Variants in NDUFAF7 observed in about 807,000 individuals in gnomAD.
NDUFAF7 encodes the protein protein arginine methyltransferase NDUFAF7, mitochondrial.
A neutral mutation model predicts 47.2 loss-of-function variants in NDUFAF7; 48 were observed. The ratio of observed to expected loss-of-function variants is 1.02; its 90% confidence interval spans 0.81 to 1.29. NDUFAF7 has a LOEUF of 1.29. Among genes scored for constraint, NDUFAF7 ranks in the 50% most tolerant of loss-of-function variants. The pLI is 0.00. For synonymous variants in NDUFAF7, 217 were observed against 190.0 expected, an observed-to-expected ratio of 1.14 and a Z score of -1.17; for missense variants, 635 against 537.6, an observed-to-expected ratio of 1.18 and a Z score of -1.79.
At chr2:37,268,300 C>G in the NDUFAF7 span, 4 of 470,760 alleles carry the variant, frequency 8.5e-6, no homozygotes, top group Middle Eastern at 6.5e-4. Flanking sequence ...GCCAAAGGTA[C>G]CTCGGACAGT....
chr2:37,268,224 G>T, the NDUFAF7 span: 3 of 438,684 alleles, frequency 6.8e-6, no homozygotes, highest in Non-Finnish European at 1.4e-5. Context: ...TAACTCATTT[G>T]TCTCAATGGC....
At chr2:37,246,633 C>T (rs1387666020) in intron 8 of NDUFAF7, among the ~76,000 whole-genome samples, 2 of 152,188 alleles carry the variant, frequency 1.3e-5, no homozygotes, top group Non-Finnish European at 2.9e-5. Context: ...TATTCTTTTA[C>T]ACTGTTCCTA....
intron 1 of NDUFAF7, 37 bp downstream of exon 1, chr2:37,231,797 A>G (rs1356625878): frequency 6.2e-7 from 1 of 1,613,410 alleles, no homozygotes; most frequent in Non-Finnish European, 8.5e-7. Flanking sequence ...GTTGCCGTGG[A>G]AGCCGCGTGG....
At chr2:37,240,407 A>G (rs1666231748) in intron 4 of NDUFAF7, among the ~76,000 whole-genome samples, 1 of 151,892 alleles carries the variant, frequency 6.6e-6, no homozygotes, top group South Asian at 2.1e-4. Context: ...TGTCTCAAAA[A>G]AAAAACCAAA....
At chr2:37,249,643 G>GACAGACACACACACAC (rs1261022368), downstream of NDUFAF7, among the ~76,000 whole-genome samples, 368 of 132,624 alleles carry the variant, frequency 2.8e-3, 6 homozygotes, top group Middle Eastern at 0.011. Flanking sequence ...CTGTGATAGA[G>GACAGACACACACACAC]ACACACACAC....
At chr2:37,238,351 C>G (rs1666008628) in intron 4 of NDUFAF7, among the ~76,000 whole-genome samples, 1 of 152,048 alleles carries the variant, frequency 6.6e-6, no homozygotes, top group Admixed American at 6.5e-5. Flanking sequence ...TCGCTTGAAC[C>G]CAGGAGGCAG....
At chr2:37,232,067 G>C (rs750582490) in intron 1 of NDUFAF7, 39 bp from the exon 2 acceptor site, 10 of 1,614,010 alleles carry the variant, frequency 6.2e-6, no homozygotes, top group Non-Finnish European at 6.8e-6. Flanking sequence ...TGAATGGTCA[G>C]ATTTATCATG....
In NDUFAF7 at chr2:37,248,242, C is replaced by T. The variant is rs1276063564; in HGVS notation, c.1218C>T (p.Ala406=). ...KKMGERFNFF[A]LLPHQRLQGG... ...TGGGAGAGAGATTTAACTTTTTTGC[C>T]TTGCTACCTCATCAGAGACTTCAAG... Residue 406 remains alanine, a synonymous_variant, in exon 10 of 10, where the codon GCC becomes GCT. Transcript: ENST00000002125. The T allele has an allele frequency of 4.3e-6, 7 of 1,613,776 alleles. No individual in the cohort carries two copies. In the African/African-American group the frequency reaches 9.4e-5, roughly 22 times the overall value.
downstream of NDUFAF7, chr2:37,253,155 C>G (rs1034732705): frequency 6.4e-7 from 1 of 1,567,604 alleles, no homozygotes; most frequent in East Asian, 2.3e-5. Context: ...GAAATCCTTC[C>G]TTATTTAGGT....
chr2:37,241,539 T>C (rs771627362), intron 4 of NDUFAF7, 39 bp from the exon 5 acceptor site: 4 of 1,502,010 alleles, frequency 2.7e-6, no homozygotes, highest in Admixed American at 3.6e-5. Context: ...TAAAACCTAC[T>C]TAACACATTG....
At chr2:37,235,484 G>T (rs190023453) in intron 2 of NDUFAF7, among the ~76,000 whole-genome samples, 2 of 152,086 alleles carry the variant, frequency 1.3e-5, no homozygotes, top group Admixed American at 1.3e-4. Flanking sequence ...TGCTGTGTTG[G>T]GTGTGGGAGC....
Position 37,232,212 on chromosome 2 carries a change from T to C in NDUFAF7, c.162T>C (p.Thr54=), listed in dbSNP as rs1242417523. The change falls in exon 2 of 10, where the codon ACT becomes ACC. Residue 54 remains threonine (T), a synonymous_variant. Coordinates refer to ENST00000002125, the MANE Select transcript of NDUFAF7 (RefSeq NM_144736.5). The part of the protein sequence containing the change: ...LRHLMYKIKS[T]GPITVAEYMK... Reference sequence around the variant, plus strand: ...ATCTTATGTACAAAATAAAGTCTACTGGTCCCATCACTGTGGCCGAGTACA... The same window carrying C: ...ATCTTATGTACAAAATAAAGTCTACCGGTCCCATCACTGTGGCCGAGTACA... The C allele has an allele frequency of 6.2e-7, 1 of 1,613,974 alleles. No individual in the cohort carries two copies. Among genetic ancestry groups the C allele is most frequent in the Admixed American group, 1.7e-5 (1 of 60,028 alleles).
At chr2:37,236,250 G>GAACAC in intron 3 of NDUFAF7, 74 bp downstream of exon 3, 1 of 1,285,554 alleles carries the variant, frequency 7.8e-7, no homozygotes, top group Non-Finnish European at 1.1e-6. Flanking sequence ...TTATTCTGTA[G>GAACAC]TAGTGTTCTA....
At chr2:37,251,704 T>G (rs1446471916), downstream of NDUFAF7, 4 of 152,044 alleles carry the variant, frequency 2.6e-5, no homozygotes, top group Non-Finnish European at 5.9e-5. Flanking sequence ...TTCATACATA[T>G]CTGATCTTCA....
At chr2:37,242,120 G>C in intron 5 of NDUFAF7, 2 of 361,118 alleles carry the variant, frequency 5.5e-6, no homozygotes, top group Non-Finnish European at 1.0e-5. Context: ...AGCAGTGTTA[G>C]TAGGTGGGTT....
chr2:37,249,347 T>A (rs1667264699), downstream of NDUFAF7, among the ~76,000 whole-genome samples: 1 of 152,022 alleles, frequency 6.6e-6, no homozygotes, highest in South Asian at 2.1e-4. Flanking sequence ...AAACAGTAAA[T>A]CTTGACATGT....
chr2:37,260,040 C>T, the NDUFAF7 span, among the ~76,000 whole-genome samples: 4 of 151,990 alleles, frequency 2.6e-5, no homozygotes, highest in Non-Finnish European at 5.9e-5. Flanking sequence ...TGGCACACAT[C>T]TGCAATCCTA....
At position 37,232,173 on chromosome 2, in the gene NDUFAF7, G is replaced by A; in HGVS notation, c.123G>A (p.Thr41=). The change falls in exon 2 of 10, where the codon ACG becomes ACA. Residue 41 remains threonine, a synonymous_variant. Transcript: ENST00000002125. Reference sequence around the variant, plus strand: ...ATGAGCCTGCAGAAAACCCGGTGACGCCGATGCTGCGGCATCTTATGTACA... The same window carrying A: ...ATGAGCCTGCAGAAAACCCGGTGACACCGATGCTGCGGCATCTTATGTACA... ...SGNEPAENPV[T]PMLRHLMYKI... 6.2e-7 allele frequency: 1 copy of A among 1,614,208 alleles called. No individual in the cohort carries two copies. Among genetic ancestry groups the A allele is most frequent in the African/African-American group, 1.3e-5 (1 of 75,062 alleles).
At chr2:37,244,550 A>G (rs1467019315) in intron 7 of NDUFAF7, among the ~76,000 whole-genome samples, 1 of 148,436 alleles carries the variant, frequency 6.7e-6, no homozygotes, top group Non-Finnish European at 1.5e-5. Context: ...GAGCCTGTCT[A>G]TTGTGGCTTG....
Sources: gnomAD v4.1 joint callset for allele counts (sites outside exome capture counted in the v4.1 genomes callset) on GRCh38, gnomAD v4.1.1 for gene constraint, MANE v1.5 for transcripts, NCBI Gene and HGNC (gene_info 2026-07-23, HGNC 2026-07-21) for gene names.